ANK1: variants seen among roughly 807,000 people sequenced by gnomAD.
ANK1 encodes ankyrin 1, also known as ankyrin-1.
Under a neutral mutation model 210.4 loss-of-function variants are expected in ANK1, and 51 were observed. The observed-to-expected ratio is 0.24, with a 90% confidence interval of 0.19 to 0.31. ANK1 has a LOEUF of 0.31. Ranked by LOEUF, ANK1 falls within the 10% of genes least tolerant of loss-of-function variation. The probability of loss-of-function intolerance (pLI) is 1.00; values close to 1 mark genes in which losing one functional copy is unlikely to be tolerated. For missense variants in ANK1, 2,051 were observed against 2,504.4 expected (o/e 0.82, Z 3.86); for synonymous variants, 967 against 1,025.9 (o/e 0.94, Z 1.10).
rs535098713 is a variant in ANK1 at position 41,774,884 on chromosome 8, T to A, written c.28-16747A>T. ...GTGGAATTACACACATTTTGGAAAATGTGGATGAGCGGCACTGCCAGAATG... is the reference window on the plus strand; with the variant it reads ...GTGGAATTACACACATTTTGGAAAAAGTGGATGAGCGGCACTGCCAGAATG... On this transcript the variant is annotated intron_variant, in intron 1 of 42. Transcript: ENST00000289734. Among the ~76,000 whole-genome samples the A allele has an allele frequency of 5.9e-5, 9 of 152,230 alleles. No homozygotes were observed. In the South Asian group the frequency reaches 1.9e-3, roughly 32 times the overall value.
At position 41,714,962 on chromosome 8, in the gene ANK1, G is replaced by A; in HGVS notation, c.1701+14C>T. On this transcript the variant is annotated intron_variant, in intron 15 of 42. Coordinates refer to ENST00000289734, the MANE Select transcript of ANK1 (RefSeq NM_000037.4). Reference sequence around the variant, plus strand: ...AACCTGAGAGCTGCAGGGGAGGGCAGGGTTCAAACTCACTTTTCCGGCAGC... The same window carrying A: ...AACCTGAGAGCTGCAGGGGAGGGCAAGGTTCAAACTCACTTTTCCGGCAGC... 3.1e-6 allele frequency: 5 copies of A among 1,613,818 alleles called. No individual in the cohort carries two copies. Among genetic ancestry groups the A allele is most frequent in the Non-Finnish European group, 4.2e-6 (5 of 1,179,680 alleles).
chr8:41,703,659 A>C (rs1417680859), intron 20 of ANK1, among the ~76,000 whole-genome samples: 1 of 150,878 alleles, frequency 6.6e-6, no homozygotes, highest in African/African-American at 2.4e-5. Flanking sequence ...CATAATTAAA[A>C]AAATTTTTTT....
intron 1 of ANK1, among the ~76,000 whole-genome samples, chr8:41,770,982 G>A (rs1228463665): frequency 6.6e-6 from 1 of 152,142 alleles, no homozygotes; most frequent in African/African-American, 2.4e-5. Context: ...CAAATTCCCA[G>A]TCCCTCTCCC....
At chr8:41,668,607 GAA>G in intron 38 of ANK1, 43 bp from the exon 39 acceptor site, 1 of 1,580,098 alleles carries the variant, frequency 6.3e-7, no homozygotes, top group Non-Finnish European at 8.6e-7. Context: ...CGGGGAGAGA[GAA>G]AAGACACCTG....
chr8:41,725,609 G>A (rs1830478665), intron 6 of ANK1, 152 bp downstream of exon 6: 2 of 1,034,748 alleles, frequency 1.9e-6, no homozygotes, highest in Non-Finnish European at 2.8e-6. Context: ...CTGTCCAGGG[G>A]CCCCTCTGCG....
chr8:41,702,205 G>C, intron 20 of ANK1, 61 bp from the exon 21 acceptor site: 2 of 1,414,952 alleles, frequency 1.4e-6, no homozygotes, highest in Non-Finnish European at 2.0e-6. Context: ...GGCGGGGCTG[G>C]CTCCCTAGAC....
At chr8:41,780,945 C>T (rs1845185970) in intron 1 of ANK1, among the ~76,000 whole-genome samples, 1 of 150,384 alleles carries the variant, frequency 6.6e-6, no homozygotes, top group Non-Finnish European at 1.5e-5. Context: ...GAGGATGCAG[C>T]TGGGGGTGGG....
chr8:41,668,185 T>G (rs1457002587), intron 39 of ANK1, 82 bp downstream of exon 39: 5 of 1,576,130 alleles, frequency 3.2e-6, no homozygotes, highest in Non-Finnish European at 4.4e-6. Flanking sequence ...AGGGCTTGAG[T>G]GCCTGAGAGG....
At chr8:41,721,656 CAAAAAAAAAAAAAAAA>C (rs55653901) in intron 9 of ANK1, among the ~76,000 whole-genome samples, 48 of 108,118 alleles carry the variant, frequency 4.4e-4, no homozygotes, top group Non-Finnish European at 3.9e-4. Flanking sequence ...GACTTCATCT[CAAAAAAAAAAAAAAAA>C]AAAAAAAAAA....
chr8:41,797,763 T>A, upstream of ANK1: 1 of 568,258 alleles, frequency 1.8e-6, no homozygotes, highest in Non-Finnish European at 2.9e-6. The surrounding 1 kb of genome is among the most constrained non-coding windows in gnomAD (Gnocchi z 4.0). Context: ...GAGCACCTCC[T>A]CCCCCAACCC....
chr8:41,860,837 C>T lies in ANK1; in HGVS notation c.126+35518G>A, dbSNP rs1052607342. 2.6e-5 allele frequency among the ~76,000 whole-genome samples: 4 copies of T among 152,304 alleles called. No individual in the cohort carries two copies. The East Asian group carries it at 7.7e-4, about 29-fold the overall frequency. On this transcript the variant is annotated intron_variant, in intron 1 of 42. Coordinates refer to the ANK1 transcript ENST00000265709. ...ACCTCAAGGGGCCTCAGGGCCTGAG[C>T]GCCTCCCCTGCTGTGCCTGGAGCAC...
rs529401604 is a variant in ANK1 at position 41,688,089 on chromosome 8, C to A, written c.4258+67G>T. The A allele has an allele frequency of 2.6e-6, 4 of 1,523,080 alleles. No homozygotes were observed. The East Asian group carries it at 6.8e-5, about 26-fold the overall frequency. 94.3% of individuals were successfully genotyped at this position (1,523,080 alleles called of 1,614,324 possible). On this transcript the variant is annotated intron_variant, in intron 35 of 42. Coordinates refer to ENST00000289734, the MANE Select transcript of ANK1 (RefSeq NM_000037.4). ...AGGGTTAGAAATGCCTCATTCATTG[C>A]TCATTACAGGGGAAGAGGGTAGGTG... is the stretch of plus-strand genomic sequence containing the variant.
chr8:41,747,995 T>C (rs1411525853), intron 2 of ANK1, among the ~76,000 whole-genome samples: 1 of 152,184 alleles, frequency 6.6e-6, no homozygotes, highest in African/African-American at 2.4e-5. Context: ...AGGCTTGGGC[T>C]GGGTGTCTCA....
At chr8:41,728,337 C>T (rs1214345579) in intron 3 of ANK1, among the ~76,000 whole-genome samples, 1 of 152,232 alleles carries the variant, frequency 6.6e-6, no homozygotes, top group Non-Finnish European at 1.5e-5. Flanking sequence ...TCAAATACTG[C>T]ATGTTCTCAC....
chr8:41,686,036 G>C (rs934473978), intron 36 of ANK1, 116 bp downstream of exon 36: 1 of 1,514,108 alleles, frequency 6.6e-7, no homozygotes, highest in Non-Finnish European at 9.2e-7. Context: ...GTGTGTGTGA[G>C]AGAGACAGAG....
intron 1 of ANK1, among the ~76,000 whole-genome samples, chr8:41,774,192 C>T (rs1318933538): frequency 2.6e-5 from 4 of 152,168 alleles, no homozygotes; most frequent in Non-Finnish European, 2.9e-5. Context: ...AGCACAGAAG[C>T]ACCACTCAAT....
intron 1 of ANK1, among the ~76,000 whole-genome samples, chr8:41,826,646 G>T (rs1055009369): frequency 9.2e-5 from 14 of 152,184 alleles, no homozygotes; most frequent in Non-Finnish European, 1.8e-4. Flanking sequence ...AAAGTAAAAA[G>T]AGGAAACTAA....
chr8:41,688,381 T>C, intron 34 of ANK1, 130 bp downstream of exon 34: 1 of 1,426,376 alleles, frequency 7.0e-7, no homozygotes, highest in Non-Finnish European at 9.9e-7. Flanking sequence ...GAGTCAGCTC[T>C]GCAGCTGCTT....
At chr8:41,775,083 A>G (rs1843720134) in intron 1 of ANK1, among the ~76,000 whole-genome samples, 1 of 152,142 alleles carries the variant, frequency 6.6e-6, no homozygotes, top group Non-Finnish European at 1.5e-5. Flanking sequence ...AAGTTGCCAA[A>G]CAGGCTTAAG....
Sources: gnomAD v4.1 joint callset for allele counts (sites outside exome capture counted in the v4.1 genomes callset) on GRCh38, gnomAD v4.1.1 for gene constraint, Gnocchi (gnomAD v3.1) non-coding constraint, MANE v1.5 for transcripts, NCBI Gene and HGNC (gene_info 2026-07-23, HGNC 2026-07-21) for gene names.